Variants in PIK3C2G observed in about 807,000 individuals in gnomAD.
The protein encoded by PIK3C2G is phosphatidylinositol 3-kinase C2 domain-containing subunit gamma.
Under a neutral mutation model 181.1 loss-of-function variants are expected in PIK3C2G, and 168 were observed. That is an observed-to-expected ratio of 0.93 (90% CI 0.82 to 1.05). The LOEUF is 1.05. PIK3C2G is among the 50% of genes least tolerant of loss of function. The pLI is 0.00. For missense variants in PIK3C2G, 1,869 were observed against 1,732.8 expected (o/e 1.08, Z -1.40); for synonymous variants, 573 against 592.2 (o/e 0.97, Z 0.47).
chr12:18,695,162 A>C, the PIK3C2G span: 1 of 1,296,856 alleles, frequency 7.7e-7, no homozygotes, highest in Non-Finnish European at 1.1e-6. Context: ...AAATCTAATA[A>C]TGGATTCTAT....
intron 31 of PIK3C2G, among the ~76,000 whole-genome samples, chr12:18,639,732 G>A (rs1949763637): frequency 6.6e-6 from 1 of 152,130 alleles, no homozygotes; most frequent in Non-Finnish European, 1.5e-5. Context: ...GGGGAGCTGA[G>A]GAGGAGAGAG....
At chr12:18,292,251 T>C (rs1291662149) in intron 4 of PIK3C2G, among the ~76,000 whole-genome samples, 4 of 135,342 alleles carry the variant, frequency 3.0e-5, no homozygotes, top group Non-Finnish European at 6.3e-5. Flanking sequence ...TATATATATA[T>C]ATATGGATTT....
chr12:18,296,402 T>A (rs555507509), intron 5 of PIK3C2G, among the ~76,000 whole-genome samples: 3 of 152,246 alleles, frequency 2.0e-5, no homozygotes, highest in African/African-American at 7.2e-5. Flanking sequence ...ATGCCTATGC[T>A]GCCGGTCTAC....
At chr12:18,585,033 C>T (rs1052687621) in intron 29 of PIK3C2G, among the ~76,000 whole-genome samples, 6 of 152,028 alleles carry the variant, frequency 3.9e-5, no homozygotes, top group Non-Finnish European at 7.4e-5. Context: ...TACAAGAGAT[C>T]GTGAAAGGAG....
intron 11 of PIK3C2G, among the ~76,000 whole-genome samples, chr12:18,355,551 T>A (rs1940643825): frequency 6.6e-6 from 1 of 152,108 alleles, no homozygotes; most frequent in Non-Finnish European, 1.5e-5. Flanking sequence ...CAGAGAGCAC[T>A]GGCCAGCCGG....
intron 24 of PIK3C2G, among the ~76,000 whole-genome samples, chr12:18,521,564 G>T (rs1375180246): frequency 6.6e-6 from 1 of 152,224 alleles, no homozygotes; most frequent in Non-Finnish European, 1.5e-5. Flanking sequence ...GGGCTGTGGG[G>T]TATACCTCTT....
intron 30 of PIK3C2G, among the ~76,000 whole-genome samples, chr12:18,603,589 A>C (rs1318109930): frequency 2.0e-5 from 3 of 152,138 alleles, no homozygotes; most frequent in Admixed American, 1.3e-4. Context: ...CCAAATTAAG[A>C]CAAGGGAAAG....
intron 30 of PIK3C2G, among the ~76,000 whole-genome samples, chr12:18,607,957 T>C (rs1482602999): frequency 6.6e-6 from 1 of 152,126 alleles, no homozygotes; most frequent in East Asian, 1.9e-4. Context: ...AAAATGCTCA[T>C]CATCACTGGC....
At chr12:18,616,870 AT>A (rs1269874841) in intron 31 of PIK3C2G, among the ~76,000 whole-genome samples, 1 of 152,188 alleles carries the variant, frequency 6.6e-6, no homozygotes, top group Admixed American at 6.6e-5. Context: ...TATTTTGAAT[AT>A]GCAAAAAATA....
At chr12:18,301,624 T>C (rs1229311631) in intron 5 of PIK3C2G, among the ~76,000 whole-genome samples, 1 of 152,096 alleles carries the variant, frequency 6.6e-6, no homozygotes, top group Non-Finnish European at 1.5e-5. Flanking sequence ...GTTTTTATGA[T>C]TTTTTGTGCT....
chr12:18,667,635 G>A, the PIK3C2G span, among the ~76,000 whole-genome samples: 2 of 152,056 alleles, frequency 1.3e-5, no homozygotes, highest in Admixed American at 6.6e-5. Context: ...AGGAGTTAGC[G>A]TTTATTGAAG....
At chr12:18,292,227 A>AAATATATATATAT in intron 4 of PIK3C2G, among the ~76,000 whole-genome samples, 43 of 48,700 alleles carry the variant, frequency 8.8e-4, no homozygotes, top group African/African-American at 2.4e-3. Context: ...AAAAAAAAAA[A>AAATATATATATAT]ATATATATAT....
chr12:18,251,796 G>A (rs1482891835), intron 1 of PIK3C2G, among the ~76,000 whole-genome samples: 2 of 151,912 alleles, frequency 1.3e-5, no homozygotes, highest in Non-Finnish European at 2.9e-5. Flanking sequence ...GCATACCACA[G>A]TCATTTTCAG....
intron 25 of PIK3C2G, among the ~76,000 whole-genome samples, chr12:18,540,247 G>C (rs1445538651): frequency 6.6e-6 from 1 of 151,856 alleles, no homozygotes; most frequent in East Asian, 1.9e-4. Flanking sequence ...AAAGACCGAG[G>C]TATCCAGCAT....
Position 18,420,944 on chromosome 12 carries a change from T to G in PIK3C2G, c.2319T>G (p.Phe773Leu). 6.4e-7 allele frequency: 1 copy of G among 1,560,446 alleles called. No homozygotes were observed. The highest frequency in any genetic ancestry group is 1.1e-5 in the South Asian group (1 of 89,760). Residue 773 changes from phenylalanine to leucine, a missense_variant, in exon 17 of 33, where the codon TTT becomes TTG. Phe to Leu is a conservative substitution (Grantham distance 22). Coordinates refer to ENST00000538779, the MANE Select transcript of PIK3C2G (RefSeq NM_001288772.2). ...GGATATATTTACTGTGTATTAGTTTTCCAGATCAAGAAATTCGTAAAGTGG... is the reference window on the plus strand; with the variant it reads ...GGATATATTTACTGTGTATTAGTTTGCCAGATCAAGAAATTCGTAAAGTGG... ...LEALGLLTSSFPDQEIRKVAV... is the reference protein window; with the variant it reads ...LEALGLLTSSLPDQEIRKVAV...
At chr12:18,368,609 T>C (rs963674714) in intron 12 of PIK3C2G, among the ~76,000 whole-genome samples, 2 of 152,234 alleles carry the variant, frequency 1.3e-5, no homozygotes. Context: ...TGTCGTAATC[T>C]AGAAACTAGA....
intron 4 of PIK3C2G, among the ~76,000 whole-genome samples, chr12:18,293,697 A>G (rs1452039869): frequency 6.6e-6 from 1 of 152,158 alleles, no homozygotes; most frequent in African/African-American, 2.4e-5. Context: ...AACTGATCAA[A>G]GGAATTGCAA....
chr12:18,545,011 G>C (rs1199983869), intron 25 of PIK3C2G, among the ~76,000 whole-genome samples: 1 of 151,670 alleles, frequency 6.6e-6, no homozygotes. Flanking sequence ...TAACCACAAT[G>C]ATCTTTCAAG....
chr12:18,667,556 C>A, the PIK3C2G span, among the ~76,000 whole-genome samples: 1 of 152,028 alleles, frequency 6.6e-6, no homozygotes, highest in East Asian at 1.9e-4. Flanking sequence ...TTTTTTTCTT[C>A]TATTTTTACT....
Sources: allele counts gnomAD v4.1 joint callset (sites outside exome capture counted in the v4.1 genomes callset), GRCh38; gene constraint gnomAD v4.1.1; transcripts MANE v1.5; gene names NCBI Gene and HGNC (gene_info 2026-07-23, HGNC 2026-07-21).